The following ADAMTS9 variants were observed in gnomAD, a reference collection of about 807,000 sequenced individuals.
ADAMTS9 encodes the protein A disintegrin and metalloproteinase with thrombospondin motifs 9.
Under a neutral mutation model 257.1 loss-of-function variants are expected in ADAMTS9, and 107 were observed. The ratio of observed to expected loss-of-function variants is 0.42; its 90% CI spans 0.36 to 0.49. The LOEUF (loss-of-function observed/expected upper bound fraction) is 0.49, where lower values mean the gene tolerates loss of function less well. ADAMTS9 is among the 20% of genes least tolerant of loss of function. The pLI, the probability that ADAMTS9 is intolerant of heterozygous loss-of-function variation, is 0.03. For synonymous variants in ADAMTS9, 982 were observed against 880.9 expected (o/e 1.11, Z -2.03); for missense variants, 2,353 against 2,469.1 (o/e 0.95, Z 1.00).
At chr3:64,594,133 A>G in intron 28 of ADAMTS9, 125 bp downstream of exon 28, 1 of 1,002,220 alleles carries the variant, frequency 1.0e-6, no homozygotes, top group Non-Finnish European at 1.4e-6. Flanking sequence ...AAAATAATAG[A>G]CTATTTATAG....
chr3:64,546,227 A>G (rs1372415907), intron 32 of ADAMTS9, among the ~76,000 whole-genome samples: 1 of 151,756 alleles, frequency 6.6e-6, no homozygotes, highest in African/African-American at 2.4e-5. Flanking sequence ...GACCAGCAGT[A>G]TTTTGCATTT....
At chr3:64,638,340 A>G (rs1217651945) in intron 12 of ADAMTS9, among the ~76,000 whole-genome samples, 1 of 152,196 alleles carries the variant, frequency 6.6e-6, no homozygotes. Context: ...AAGCCTGAAA[A>G]TACATCTTCT....
intron 25 of ADAMTS9, among the ~76,000 whole-genome samples, chr3:64,602,425 C>A (rs954420629): frequency 2.0e-5 from 3 of 152,166 alleles, no homozygotes; most frequent in Non-Finnish European, 2.9e-5. Flanking sequence ...AAAATATAAC[C>A]CTTTACAACA....
intron 28 of ADAMTS9, among the ~76,000 whole-genome samples, chr3:64,585,622 G>C (rs1473597246): frequency 6.6e-6 from 1 of 152,064 alleles, no homozygotes; most frequent in African/African-American, 2.4e-5. Flanking sequence ...CTTACCTTCT[G>C]CAAGGAACCT....
At chr3:64,522,323 C>A (rs1289979155) in intron 38 of ADAMTS9, 63 bp from the exon 39 acceptor site, 1 of 1,473,634 alleles carries the variant, frequency 6.8e-7, no homozygotes, top group African/African-American at 1.4e-5. Context: ...CCTGCACTGG[C>A]TTTTTGGGAA....
Position 64,621,296 on chromosome 3 carries a change from T to C in ADAMTS9, c.2687-56A>G, listed in dbSNP as rs147055858. ...GGAAAATAATCTATTCCATAAACTA[T>C]TTAGACCCCGGATTGGCAAGCATTT... On this transcript the variant is annotated intron_variant, in intron 18 of 39. Transcript: ENST00000498707. 1.4e-4 allele frequency: 213 copies of C among 1,543,746 alleles called. No individual in the cohort carries two copies. The African/African-American group carries it at 1.8e-3, about 13-fold the overall frequency.
chr3:64,531,526 C>T (rs890307960), intron 38 of ADAMTS9, among the ~76,000 whole-genome samples: 3 of 151,598 alleles, frequency 2.0e-5, no homozygotes, highest in Admixed American at 2.0e-4. Flanking sequence ...GGAGTGCAGT[C>T]GCGCAATCAT....
At chr3:64,588,344 A>G (rs2084198526) in intron 28 of ADAMTS9, 1 of 152,142 alleles carries the variant, frequency 6.6e-6, no homozygotes, top group African/African-American at 2.4e-5. Flanking sequence ...TCTAACTTGT[A>G]CACTGCTGTA....
At chr3:64,612,646 G>A (rs141802687) in intron 22 of ADAMTS9, among the ~76,000 whole-genome samples, 80 of 152,262 alleles carry the variant, frequency 5.3e-4, no homozygotes, top group African/African-American at 1.9e-3. Context: ...GCAGACAGCT[G>A]TTCTACTTCT....
At chr3:64,530,792 C>A (rs1373782112) in intron 38 of ADAMTS9, among the ~76,000 whole-genome samples, 2 of 152,078 alleles carry the variant, frequency 1.3e-5, no homozygotes, top group Non-Finnish European at 2.9e-5. Flanking sequence ...ATTTTTTTAA[C>A]AGAGCCTCAC....
intron 37 of ADAMTS9, among the ~76,000 whole-genome samples, chr3:64,533,786 C>A (rs1368124303): frequency 3.3e-5 from 5 of 152,178 alleles, no homozygotes; most frequent in Admixed American, 6.5e-5. Context: ...GGCGCTTTCC[C>A]CAGGACGGTC....
At chr3:64,551,634 A>G (rs1182821794) in intron 30 of ADAMTS9, among the ~76,000 whole-genome samples, 1 of 152,170 alleles carries the variant, frequency 6.6e-6, no homozygotes, top group Admixed American at 6.5e-5. Context: ...CTTAAATCCT[A>G]TTTACTTCAA....
At chr3:64,608,857 C>T (rs927675495) in intron 22 of ADAMTS9, among the ~76,000 whole-genome samples, 18 of 151,828 alleles carry the variant, frequency 1.2e-4, no homozygotes, top group Non-Finnish European at 1.8e-4. Flanking sequence ...ATTGCTTATA[C>T]AGATGTAAAA....
intron 33 of ADAMTS9, 29 bp from the exon 34 acceptor site, chr3:64,541,649 G>A (rs757669493): frequency 2.5e-5 from 39 of 1,588,512 alleles, no homozygotes; most frequent in African/African-American, 8.1e-5. Flanking sequence ...AAAAAATAGG[G>A]TGTGATGATC....
chr3:64,535,332 T>C (rs776531244), intron 37 of ADAMTS9, among the ~76,000 whole-genome samples: 23 of 151,968 alleles, frequency 1.5e-4, no homozygotes, highest in Non-Finnish European at 2.8e-4. Flanking sequence ...TGAGCCCAGA[T>C]TGTGCCACTG....
In ADAMTS9 at chr3:64,613,359, C is replaced by G; in HGVS notation, c.3340G>C (p.Gly1114Arg). The G allele has an allele frequency of 1.2e-6, 2 of 1,613,652 alleles. No individual in the cohort carries two copies. Among genetic ancestry groups the G allele is most frequent in the African/African-American group, 1.3e-5 (1 of 75,040 alleles). ...GTTCAAAATACCTGTCCCCAGGGAC[C>G]CGCCTGCCAGGATGCACATTCCGGC... ...QQPECASWQA[G>R]PWGQCSVTCG... is the part of the protein sequence containing the mutation. The change falls in exon 22 of 40, where the codon GGT becomes CGT. Residue 1114 changes from glycine (G) to arginine (R), a missense_variant. Around this residue, in one of 3 missense-constraint regions of ADAMTS9, gnomAD observed 1,402 missense variants for 1,441.4 expected, o/e 0.97. Transcript: ENST00000498707.
At chr3:64,547,442 C>T (rs554452642) in intron 31 of ADAMTS9, among the ~76,000 whole-genome samples, 2 of 151,860 alleles carry the variant, frequency 1.3e-5, no homozygotes, top group Non-Finnish European at 2.9e-5. Context: ...TCCTTCCCTC[C>T]GTGGTGCTGT....
chr3:64,663,282 T>C (rs1302322334), intron 3 of ADAMTS9, among the ~76,000 whole-genome samples: 1 of 152,070 alleles, frequency 6.6e-6, no homozygotes, highest in African/African-American at 2.4e-5. Context: ...AATAAAGCTG[T>C]TTAAAAAAGA....
rs1700653201 is a variant in ADAMTS9 at position 64,641,898 on chromosome 3, T to C, written c.1806A>G (p.Arg602=). 2 of 1,613,998 alleles carry C rather than the reference T, an allele frequency of 1.2e-6. No homozygotes were observed. The highest frequency in any genetic ancestry group is 2.7e-5 in the African/African-American group (2 of 74,906). Residue 602 remains arginine (R), a synonymous_variant, in exon 12 of 40, where the codon AGA becomes AGG. Transcript: ENST00000498707. ...GSWSPFGTCS[R]TCGGGIKTAI... The stretch of plus-strand genomic sequence containing the variant: ...CTGTTTTGATGCCCCCTCCACATGT[T>C]CTGGAGCAGGTTCCAAAGGGACTCC...
Sources: allele counts gnomAD v4.1 joint callset (sites outside exome capture counted in the v4.1 genomes callset), GRCh38; gene constraint gnomAD v4.1.1; regional missense constraint gnomAD v4.1.1; transcripts MANE v1.5; gene names NCBI Gene and HGNC (gene_info 2026-07-23, HGNC 2026-07-21).